FHIT: variants seen among roughly 807,000 people sequenced by gnomAD.
The protein encoded by FHIT is fragile histidine triad diadenosine triphosphatase.
Under a neutral mutation model 17.9 loss-of-function variants are expected in FHIT, and 19 were observed. The observed-to-expected ratio is 1.06, with a 90% CI of 0.74 to 1.56. The LOEUF (loss-of-function observed/expected upper bound fraction) is 1.56. Ranked by LOEUF, FHIT falls within the 40% of genes most tolerant of loss-of-function variation. The pLI is 0.00. For synonymous variants in FHIT, 81 were observed against 69.7 expected, an observed-to-expected ratio of 1.16 and a Z score of -0.81; for missense variants, 248 against 189.2, an observed-to-expected ratio of 1.31 and a Z score of -1.82.
intron 8 of FHIT, among the ~76,000 whole-genome samples, chr3:59,865,539 G>T (rs13322831): frequency 3.1e-4 from 47 of 152,186 alleles, no homozygotes; most frequent in African/African-American, 1.1e-3. Flanking sequence ...TTGGAGCCAG[G>T]GCCTGGGATA....
intron 5 of FHIT, among the ~76,000 whole-genome samples, chr3:60,289,556 C>A (rs1161930900): frequency 6.6e-6 from 1 of 152,170 alleles, no homozygotes; most frequent in Non-Finnish European, 1.5e-5. Context: ...TTCCAGCAAT[C>A]CCTAGGACTT....
At chr3:60,174,228 G>A (rs1376369889) in intron 5 of FHIT, among the ~76,000 whole-genome samples, 2 of 151,524 alleles carry the variant, frequency 1.3e-5, no homozygotes, top group Non-Finnish European at 2.9e-5. Flanking sequence ...ATATTTTTAA[G>A]ACTGAAGTGC....
intron 4 of FHIT, among the ~76,000 whole-genome samples, chr3:60,782,237 GTATATA>G (rs11272366): frequency 4.2e-5 from 4 of 95,534 alleles, no homozygotes; most frequent in African/African-American, 1.4e-4. Context: ...GTGTGTGTGT[GTATATA>G]TATATATATA....
At chr3:60,626,729 T>C (rs1194035764) in intron 4 of FHIT, among the ~76,000 whole-genome samples, 3 of 151,688 alleles carry the variant, frequency 2.0e-5, no homozygotes, top group East Asian at 3.9e-4. Flanking sequence ...CAATGTTGAA[T>C]GGAAATGGCA....
chr3:60,150,073 G>T (rs1490113391), intron 5 of FHIT, among the ~76,000 whole-genome samples: 1 of 130,492 alleles, frequency 7.7e-6, no homozygotes, highest in East Asian at 2.4e-4. Flanking sequence ...TCAGCTCACT[G>T]CAACCTCTGC....
chr3:60,362,222 C>T (rs1699934906), intron 5 of FHIT, among the ~76,000 whole-genome samples: 3 of 152,136 alleles, frequency 2.0e-5, no homozygotes, highest in Non-Finnish European at 4.4e-5. Context: ...CAGCTAAAGT[C>T]TACTTCCTTA....
chr3:61,039,863 C>A (rs969309475), intron 3 of FHIT, among the ~76,000 whole-genome samples: 5 of 152,036 alleles, frequency 3.3e-5, no homozygotes, highest in Admixed American at 2.0e-4. Context: ...AACAAACAAA[C>A]AAAAAAACTT....
At chr3:61,149,695 T>G (rs992167292) in intron 2 of FHIT, among the ~76,000 whole-genome samples, 1 of 151,512 alleles carries the variant, frequency 6.6e-6, no homozygotes, top group African/African-American at 2.4e-5. Flanking sequence ...CTCAGCAACA[T>G]AGTGAGATCC....
At position 60,334,777 on chromosome 3, in the gene FHIT, G is replaced by A. The variant is rs900575964; in HGVS notation, c.103+202083C>T. Among the ~76,000 whole-genome samples, 8 of 152,180 alleles carry A rather than the reference G, an allele frequency of 5.3e-5. No individual in the cohort carries two copies. The South Asian group carries it at 1.0e-3, about 20-fold the overall frequency. On this transcript the variant is annotated intron_variant, in intron 5 of 9. Coordinates refer to ENST00000492590, the MANE Select transcript of FHIT (RefSeq NM_002012.4). The stretch of plus-strand genomic sequence containing the variant: ...CCTCCAGACTGGGCGACGCCTGGGC[G>A]ACAGAGAGAGACTCCATCTCAAGAA...
chr3:60,449,238 A>G (rs553149788), intron 5 of FHIT, among the ~76,000 whole-genome samples: 1 of 152,286 alleles, frequency 6.6e-6, no homozygotes, highest in South Asian at 2.1e-4. Flanking sequence ...AGGAAAGAGA[A>G]CCAGTGCCCC....
intron 2 of FHIT, among the ~76,000 whole-genome samples, chr3:61,197,944 T>C (rs999504169): frequency 6.6e-6 from 1 of 152,220 alleles, no homozygotes; most frequent in East Asian, 1.9e-4. Flanking sequence ...ACAGGAGTAC[T>C]GGGAAGTTCA....
intron 5 of FHIT, among the ~76,000 whole-genome samples, chr3:60,316,455 T>A (rs1709170057): frequency 6.6e-6 from 1 of 152,202 alleles, no homozygotes; most frequent in Non-Finnish European, 1.5e-5. Flanking sequence ...TCATTAAGCA[T>A]TTAGGACAAG....
At chr3:61,109,599 G>T in intron 2 of FHIT, among the ~76,000 whole-genome samples, 1 of 152,112 alleles carries the variant, frequency 6.6e-6, no homozygotes, top group East Asian at 1.9e-4. Flanking sequence ...CTGTCTCTGG[G>T]TCTCTTCTTC....
At chr3:60,018,922 G>A (rs567808678) in intron 5 of FHIT, among the ~76,000 whole-genome samples, 2 of 152,330 alleles carry the variant, frequency 1.3e-5, no homozygotes, top group African/African-American at 4.8e-5. Flanking sequence ...GGAGGTTGCA[G>A]TGAGCCAAGG....
intron 5 of FHIT, among the ~76,000 whole-genome samples, chr3:60,337,521 A>G (rs1026580269): frequency 6.6e-6 from 1 of 152,200 alleles, no homozygotes; most frequent in African/African-American, 2.4e-5. Flanking sequence ...TTTGAAATAC[A>G]TGTTATGTTT....
intron 4 of FHIT, among the ~76,000 whole-genome samples, chr3:60,813,303 A>G (rs1701629029): frequency 6.6e-6 from 1 of 151,696 alleles, no homozygotes; most frequent in Admixed American, 6.6e-5. Context: ...AAATAAATTT[A>G]TTTTCTTTTA....
intron 3 of FHIT, among the ~76,000 whole-genome samples, chr3:60,863,352 C>T (rs1360096550): frequency 6.6e-6 from 1 of 152,164 alleles, no homozygotes; most frequent in Admixed American, 6.5e-5. Flanking sequence ...GCTGATACCT[C>T]GATTTTAGCC....
chr3:60,521,952 G>T (rs1230484320), intron 5 of FHIT, among the ~76,000 whole-genome samples: 2 of 152,138 alleles, frequency 1.3e-5, no homozygotes, highest in Non-Finnish European at 2.9e-5. Context: ...TTGTGGTAGG[G>T]TCAGGGAAGG....
intron 4 of FHIT, among the ~76,000 whole-genome samples, chr3:60,651,070 T>C (rs1401987925): frequency 6.6e-6 from 1 of 152,184 alleles, no homozygotes; most frequent in Non-Finnish European, 1.5e-5. Flanking sequence ...CATTATTTAA[T>C]GTATGAATAA....
Sources: gnomAD v4.1 joint callset for allele counts (sites outside exome capture counted in the v4.1 genomes callset) on GRCh38, gnomAD v4.1.1 for gene constraint, MANE v1.5 for transcripts, NCBI Gene and HGNC (gene_info 2026-07-23, HGNC 2026-07-21) for gene names.